The following CAPN2 variants were observed in gnomAD, a reference collection of about 807,000 sequenced individuals.
CAPN2 encodes calpain-2 catalytic subunit.
In CAPN2, 92 loss-of-function variants were observed where a neutral mutation model predicts 102.3. The ratio of observed to expected loss-of-function variants is 0.90; its 90% CI spans 0.76 to 1.07. CAPN2 has a LOEUF of 1.07. Ranked by LOEUF, CAPN2 falls within the 50% of genes least tolerant of loss-of-function variation. The pLI is 0.00. For synonymous variants in CAPN2, 340 were observed against 355.4 expected, an observed-to-expected ratio of 0.96 and a Z score of 0.49; for missense variants, 800 against 909.4, an observed-to-expected ratio of 0.88 and a Z score of 1.55.
At chr1:223,770,225 T>C (rs189040056) in intron 17 of CAPN2, 4 of 592,276 alleles carry the variant, frequency 6.8e-6, no homozygotes, top group African/African-American at 3.7e-5. Flanking sequence ...CATGGACCTA[T>C]GGGCGTTGGC....
intron 6 of CAPN2, 81 bp downstream of exon 6, chr1:223,749,203 G>A (rs570841429): frequency 5.6e-6 from 7 of 1,243,890 alleles, no homozygotes; most frequent in Admixed American, 1.8e-5. Flanking sequence ...ATGCCCAGGG[G>A]CCCGCGCGGC....
At position 223,730,010 on chromosome 1, in the gene CAPN2, CAAAA is replaced by C. The variant is rs57382658; in HGVS notation, c.307+12201_307+12204del. Among the ~76,000 whole-genome samples the C allele has an allele frequency of 2.9e-3, 232 of 79,068 alleles. 1 individual carries two copies. Among genetic ancestry groups the C allele is most frequent in the South Asian group, 0.01 (17 of 1,640 alleles). The allele number at this position is 79,068 out of a possible 152,430, so 51.9% of individuals were successfully genotyped here. A position where few individuals can be genotyped will look rare whatever the true frequency, so the allele number is the denominator to read the frequency against. Reference sequence around the variant, plus strand: ...AGAGCAAGACTCGCTCCCAAAAAACCAAAAAAAAAAAAAAAAAAAAAAAAACGAA... The same window carrying C: ...AGAGCAAGACTCGCTCCCAAAAAACCAAAAAAAAAAAAAAAAAAAAACGAA... On this transcript the variant is annotated intron_variant, in intron 2 of 20. Coordinates refer to ENST00000295006, the MANE Select transcript of CAPN2 (RefSeq NM_001748.5).
rs1293914669 is a variant in CAPN2, at chr1:223,762,239, G to T, written c.1620G>T (p.Gln540His). Reference protein sequence around the residue: ...IDDGFRRLFAQLAGEDAEISA... With the variant: ...IDDGFRRLFAHLAGEDAEISA... ...ATGGATTCAGGAGACTGTTTGCCCA[G>T]TTGGCAGGAGAGGTAAATGTTCCCA... is the stretch of plus-strand genomic sequence containing the variant. The change falls in exon 14 of 21, where the codon CAG becomes CAT. Residue 540 changes from glutamine to histidine, a missense_variant. By Grantham distance (24) the Gln-to-His change is conservative. Coordinates refer to ENST00000295006, the MANE Select transcript of CAPN2 (RefSeq NM_001748.5). The T allele has an allele frequency of 3.1e-6, 5 of 1,613,518 alleles. No individual in the cohort carries two copies. The South Asian group carries it at 5.5e-5, about 18-fold the overall frequency.
chr1:223,719,834 G>A (rs553790349), intron 2 of CAPN2, among the ~76,000 whole-genome samples: 6 of 146,918 alleles, frequency 4.1e-5, no homozygotes, highest in East Asian at 1.9e-4. Flanking sequence ...GTGTGTGTGC[G>A]CGCGCGCGCG....
chr1:223,720,563 C>A (rs563789288), intron 2 of CAPN2, among the ~76,000 whole-genome samples: 8 of 152,180 alleles, frequency 5.3e-5, no homozygotes, highest in African/African-American at 1.4e-4. Context: ...GTGATCCACC[C>A]ACCTCGGCCT....
intron 16 of CAPN2, among the ~76,000 whole-genome samples, chr1:223,768,729 C>A (rs1030843260): frequency 6.6e-6 from 1 of 151,182 alleles, no homozygotes; most frequent in African/African-American, 2.4e-5. Context: ...TGAAGAAAGT[C>A]ATTGGTAGCT....
chr1:223,745,829 G>A lies in CAPN2; in HGVS notation c.560+390G>A, dbSNP rs1660738971. On this transcript the variant is annotated intron_variant, in intron 4 of 20. Coordinates refer to ENST00000295006, the MANE Select transcript of CAPN2 (RefSeq NM_001748.5). ...CTGATTGTGCTGGACTTGAGAAGGA[G>A]CTCTACTTCCTTGACAGGACACATT... 1.3e-5 allele frequency among the ~76,000 whole-genome samples: 2 copies of A among 152,224 alleles called. 1 individual carries two copies. The highest frequency in any genetic ancestry group is 4.1e-4 in the South Asian group (2 of 4,836).
At chr1:223,772,065 G>A in intron 19 of CAPN2, 116 bp from the exon 20 acceptor site, 1 of 1,131,360 alleles carries the variant, frequency 8.8e-7, no homozygotes, top group Admixed American at 1.7e-5. Flanking sequence ...CTAATTTGAG[G>A]GTGAGGAAGA....
chr1:223,729,122 GCCTACAGGTGGCC>G (rs1413259183), intron 2 of CAPN2, among the ~76,000 whole-genome samples: 3 of 152,162 alleles, frequency 2.0e-5, no homozygotes, highest in Non-Finnish European at 2.9e-5. Flanking sequence ...GGCTCAGGAT[GCCTACAGGTGGCC>G]CCAGAATTGT....
chr1:223,746,475 C>CTTTTTTTTTTTTTT lies in CAPN2; in HGVS notation c.561-514_561-501dup, dbSNP rs60366533. ...TCCGACTCTAAGGTTCTACGAGAATCTTTTTTTTTTTTTTTTTTTTTAATA... is the reference window on the plus strand; with the variant it reads ...TCCGACTCTAAGGTTCTACGAGAATCTTTTTTTTTTTTTTTTTTTTTTTTTTTTTTTTTTTAATA... On this transcript the variant is annotated intron_variant, in intron 4 of 20. Coordinates refer to ENST00000295006, the MANE Select transcript of CAPN2 (RefSeq NM_001748.5). Among the ~76,000 whole-genome samples the CTTTTTTTTTTTTTT allele has an allele frequency of 7.9e-4, 86 of 108,440 alleles. 8 individuals are homozygous for CTTTTTTTTTTTTTT. The highest frequency in any genetic ancestry group is 1.6e-3 in the African/African-American group (36 of 22,578). 71.1% of individuals were successfully genotyped at this position (108,440 alleles called of 152,430 possible).
At chr1:223,742,761 C>A (rs1406871912) in intron 2 of CAPN2, among the ~76,000 whole-genome samples, 1 of 152,086 alleles carries the variant, frequency 6.6e-6, no homozygotes, top group East Asian at 1.9e-4. Context: ...GCTCAAACAA[C>A]CCACTGACCT....
At position 223,731,515 on chromosome 1, in the gene CAPN2, C is replaced by T. The variant is rs1442863179; in HGVS notation, c.308-12585C>T. 6.6e-6 allele frequency among the ~76,000 whole-genome samples: 1 copy of T among 152,206 alleles called. No individual in the cohort carries two copies. Among genetic ancestry groups the T allele is most frequent in the Non-Finnish European group, 1.5e-5 (1 of 68,048 alleles). Reference sequence around the variant, plus strand: ...ACAGTCCCAGTCTGCCCTGTTCAGACTCAAAGCCTCATGCTCACCACCATC... The same window carrying T: ...ACAGTCCCAGTCTGCCCTGTTCAGATTCAAAGCCTCATGCTCACCACCATC... On this transcript the variant is annotated intron_variant, in intron 2 of 20. Coordinates refer to ENST00000295006, the MANE Select transcript of CAPN2 (RefSeq NM_001748.5). The surrounding 1 kb of genome is among the most constrained non-coding windows in gnomAD (Gnocchi z 4.2).
chr1:223,746,883 T>C, intron 4 of CAPN2, 114 bp from the exon 5 acceptor site: 1 of 866,250 alleles, frequency 1.2e-6, no homozygotes, highest in Admixed American at 2.6e-5. Flanking sequence ...AAGGAGAATG[T>C]GAGCAGGGGG....
intron 17 of CAPN2, chr1:223,770,195 A>C (rs867867957): frequency 5.2e-5 from 30 of 579,092 alleles, no homozygotes; most frequent in African/African-American, 4.9e-4. Context: ...CTAAAGTACA[A>C]AAATTATATA....
chr1:223,752,185 A>G, intron 8 of CAPN2, 114 bp downstream of exon 8: 1 of 696,966 alleles, frequency 1.4e-6, no homozygotes, highest in South Asian at 1.8e-5. Context: ...CGAGGACACA[A>G]GCGTGTGGGA....
rs571392860 is a variant in CAPN2 at position 223,719,776 on chromosome 1, G to A, written c.307+1945G>A. ...TAAACCTTTTAAAAATTTCTTAGTA[G>A]CTAGTCTGTAATTTCTCAGGGGTGT... On this transcript the variant is annotated intron_variant, in intron 2 of 20. Coordinates refer to ENST00000295006, the MANE Select transcript of CAPN2 (RefSeq NM_001748.5). 7.9e-5 allele frequency among the ~76,000 whole-genome samples: 12 copies of A among 151,416 alleles called. No homozygotes were observed. The South Asian group carries it at 2.5e-3, about 32-fold the overall frequency.
chr1:223,717,892 A>G, intron 2 of CAPN2, 61 bp downstream of exon 2: 1 of 1,275,710 alleles, frequency 7.8e-7, no homozygotes, highest in Non-Finnish European at 1.1e-6. Flanking sequence ...GGTGGAAGAG[A>G]TGAGGGACAA....
Position 223,745,433 on chromosome 1 carries a change from A to G in CAPN2, c.554A>G (p.Tyr185Cys), listed in dbSNP as rs749973513. The G allele has an allele frequency of 5.0e-6, 8 of 1,614,226 alleles. No homozygotes were observed. In the East Asian group the frequency reaches 1.8e-4, roughly 36 times the overall value. Residue 185 changes from tyrosine to cysteine, a missense_variant, in exon 4 of 21, where the codon TAC becomes TGC. Transcript: ENST00000295006. ...EFWSALLEKA[Y>C]AKINGCYEAL... ...TGGAGCGCCCTGCTGGAGAAGGCAT[A>G]CGCCAAGTAAGTTGCCATCCTCCCC...
At position 223,717,817 on chromosome 1, in the gene CAPN2, G is replaced by A. The variant is rs573090048; in HGVS notation, c.293G>A (p.Cys98Tyr). The A allele has an allele frequency of 1.9e-6, 3 of 1,613,814 alleles. No homozygotes were observed. Among genetic ancestry groups the A allele is most frequent in the East Asian group, 2.2e-5 (1 of 44,878 alleles). The part of the protein sequence containing the change: ...IIGGATRTDI[C>Y]QGALGDCWLL... ...GGAGGAGCCACCCGCACAGACATCT[G>A]CCAAGGAGCCCTGGGTAAGTGATAG... Residue 98 changes from cysteine to tyrosine, a missense_variant, in exon 2 of 21, where the codon TGC becomes TAC. By Grantham distance (194) the Cys-to-Tyr change is radical. Coordinates refer to ENST00000295006, the MANE Select transcript of CAPN2 (RefSeq NM_001748.5).
Sources: gnomAD v4.1 joint callset for allele counts (sites outside exome capture counted in the v4.1 genomes callset) on GRCh38, gnomAD v4.1.1 for gene constraint, Gnocchi (gnomAD v3.1) non-coding constraint, MANE v1.5 for transcripts, NCBI Gene and HGNC (gene_info 2026-07-23, HGNC 2026-07-21) for gene names.